Variants in CLVS1 observed in about 807,000 individuals in gnomAD.
CLVS1 encodes clavesin 1.
A neutral mutation model predicts 33.1 loss-of-function variants in CLVS1; 10 were observed. The ratio of observed to expected loss-of-function variants is 0.30; its 90% CI spans 0.19 to 0.51. The LOEUF (loss-of-function observed/expected upper bound fraction) is 0.51, where lower values mean the gene tolerates loss of function less well. CLVS1 is among the 20% of genes least tolerant of loss of function. The pLI is 0.97. For synonymous variants in CLVS1, 163 were observed against 166.1 expected, an observed-to-expected ratio of 0.98 and a Z score of 0.14; for missense variants, 343 against 433.4, an observed-to-expected ratio of 0.79 and a Z score of 1.85.
the CLVS1 span, among the ~76,000 whole-genome samples, chr8:61,022,267 A>G: frequency 7.9e-5 from 12 of 152,246 alleles, no homozygotes; most frequent in Non-Finnish European, 4.4e-5. Context: ...CTGTTTTCCA[A>G]GAAAAGCTCT....
the CLVS1 span, among the ~76,000 whole-genome samples, chr8:61,021,335 C>T: frequency 1.3e-5 from 2 of 151,864 alleles, no homozygotes; most frequent in African/African-American, 4.8e-5. Flanking sequence ...TAGATTTCCA[C>T]GGTTGTGTTT....
chr8:61,479,390 G>T (rs1393507443), intron 5 of CLVS1, among the ~76,000 whole-genome samples: 1 of 151,988 alleles, frequency 6.6e-6, no homozygotes. Context: ...ACTGAGGCTT[G>T]TGCATTCATC....
intron 2 of CLVS1, among the ~76,000 whole-genome samples, chr8:61,208,321 GC>G (rs1807900015): frequency 1.3e-5 from 2 of 152,186 alleles, no homozygotes; most frequent in Non-Finnish European, 2.9e-5. Flanking sequence ...AGACTTTGGA[GC>G]AAGGTATCCA....
intron 2 of CLVS1, among the ~76,000 whole-genome samples, chr8:61,319,965 A>G (rs1811137740): frequency 6.6e-6 from 1 of 152,094 alleles, no homozygotes; most frequent in African/African-American, 2.4e-5. Context: ...TCATAAGCTG[A>G]TAACAGTGTG....
chr8:60,993,125 G>T, the CLVS1 span, among the ~76,000 whole-genome samples: 1 of 152,220 alleles, frequency 6.6e-6, no homozygotes, highest in Admixed American at 6.5e-5. Flanking sequence ...GCTTTAATTT[G>T]TTCTGTCTGT....
intron 3 of CLVS1, among the ~76,000 whole-genome samples, chr8:61,450,281 A>G (rs1317602642): frequency 6.6e-6 from 1 of 152,198 alleles, no homozygotes; most frequent in East Asian, 1.9e-4. Flanking sequence ...ATTAAATGGA[A>G]CTTTGAATCA....
the CLVS1 span, among the ~76,000 whole-genome samples, chr8:61,039,110 GT>G: frequency 1.3e-5 from 2 of 152,054 alleles, no homozygotes; most frequent in African/African-American, 4.8e-5. Flanking sequence ...GGCCTATTTT[GT>G]TTATTGTTGT....
chr8:61,186,512 G>A (rs1807346718), intron 2 of CLVS1, among the ~76,000 whole-genome samples: 1 of 152,152 alleles, frequency 6.6e-6, no homozygotes, highest in African/African-American at 2.4e-5. Flanking sequence ...GAAAGTGACA[G>A]ATAAATGCTC....
chr8:61,299,582 AAT>A, intron 1 of CLVS1, 93 bp from the exon 2 acceptor site: 2 of 496,556 alleles, frequency 4.0e-6, no homozygotes, highest in Non-Finnish European at 7.1e-6. Flanking sequence ...CCCACAGCCT[AAT>A]ATACTGTTTT....
intron 1 of CLVS1, among the ~76,000 whole-genome samples, chr8:61,074,053 T>A (rs945314579): frequency 7.3e-6 from 1 of 136,408 alleles, no homozygotes; most frequent in African/African-American, 2.8e-5. Context: ...AATAAATATG[T>A]AAGGCCAGGC....
chr8:61,259,873 G>A (rs1354499608), intron 2 of CLVS1, among the ~76,000 whole-genome samples: 1 of 152,190 alleles, frequency 6.6e-6, no homozygotes, highest in Non-Finnish European at 1.5e-5. Context: ...GGGTACTCAG[G>A]CCCCAGCTCC....
At chr8:61,140,881 T>C (rs964827599) in intron 2 of CLVS1, among the ~76,000 whole-genome samples, 7 of 152,200 alleles carry the variant, frequency 4.6e-5, no homozygotes, top group Non-Finnish European at 7.3e-5. Context: ...TTAAAATTTC[T>C]TGGAAAAAAA....
At chr8:60,992,419 C>T in the CLVS1 span, among the ~76,000 whole-genome samples, 654 of 152,214 alleles carry the variant, frequency 4.3e-3, 6 homozygotes, top group African/African-American at 0.015. Flanking sequence ...CAGGAGGAGA[C>T]GGAGTTTCCC....
chr8:61,278,182 C>A (rs1206716642), intron 2 of CLVS1, among the ~76,000 whole-genome samples: 2 of 152,154 alleles, frequency 1.3e-5, no homozygotes, highest in African/African-American at 4.8e-5. Flanking sequence ...GCTCAACAGT[C>A]CTTCATATTT....
At chr8:61,191,375 C>T (rs1320713815) in intron 2 of CLVS1, among the ~76,000 whole-genome samples, 2 of 152,118 alleles carry the variant, frequency 1.3e-5, no homozygotes, top group Admixed American at 6.6e-5. Flanking sequence ...GGATGTATCT[C>T]AAAATAATAA....
At chr8:61,252,317 G>C (rs1223845291) in intron 2 of CLVS1, among the ~76,000 whole-genome samples, 2 of 152,142 alleles carry the variant, frequency 1.3e-5, no homozygotes, top group Non-Finnish European at 2.9e-5. Flanking sequence ...TGTATTTGCT[G>C]AGGAGTGTTT....
At chr8:61,333,417 A>G (rs1004888094) in intron 2 of CLVS1, among the ~76,000 whole-genome samples, 2 of 152,218 alleles carry the variant, frequency 1.3e-5, no homozygotes, top group African/African-American at 2.4e-5. Context: ...TGTGACTAGT[A>G]TAAGAATAAC....
At chr8:61,056,331 C>T (rs1161859856), upstream of CLVS1, among the ~76,000 whole-genome samples, 1 of 152,182 alleles carries the variant, frequency 6.6e-6, no homozygotes, top group Non-Finnish European at 1.5e-5. Context: ...TTTTGCTTCT[C>T]TATTTTTATC....
intron 2 of CLVS1, among the ~76,000 whole-genome samples, chr8:61,132,853 A>T (rs1314358370): frequency 6.6e-6 from 1 of 152,184 alleles, no homozygotes; most frequent in Non-Finnish European, 1.5e-5. Context: ...GCAGCCTGCC[A>T]TTAGTGGAGG....
Sources: allele counts gnomAD v4.1 joint callset (sites outside exome capture counted in the v4.1 genomes callset), GRCh38; gene constraint gnomAD v4.1.1; transcripts MANE v1.5; gene names NCBI Gene and HGNC (gene_info 2026-07-23, HGNC 2026-07-21).